The following LRRC71 variants were observed in gnomAD, a reference collection of about 807,000 sequenced individuals.
LRRC71 encodes leucine-rich repeat-containing protein 71.
LRRC71 carries 54 observed loss-of-function variants against 66.6 expected under a neutral mutation model. The observed-to-expected ratio is 0.81, with a 90% CI of 0.65 to 1.02. LRRC71 has a LOEUF of 1.02. Ranked by LOEUF, LRRC71 falls within the 50% of genes least tolerant of loss-of-function variation. The pLI, the probability that LRRC71 is intolerant of heterozygous loss-of-function variation, is 0.00. For synonymous variants in LRRC71, 323 were observed against 303.9 expected, an observed-to-expected ratio of 1.06 and a Z score of -0.65; for missense variants, 724 against 718.0, an observed-to-expected ratio of 1.01 and a Z score of -0.10.
chr1:156,922,023 G>GTGCCA (rs1292221298), intron 1 of LRRC71, among the ~76,000 whole-genome samples: 1 of 152,148 alleles, frequency 6.6e-6, no homozygotes, highest in Non-Finnish European at 1.5e-5. Context: ...GTGGGAGGAA[G>GTGCCA]TGCCATTCAT....
chr1:156,928,499 C>T (rs1011831753), intron 9 of LRRC71, among the ~76,000 whole-genome samples: 3 of 139,094 alleles, frequency 2.2e-5, no homozygotes, highest in African/African-American at 9.0e-5. Flanking sequence ...TCCTCTTCTT[C>T]CTCCTCCTCC....
intron 14 of LRRC71, 101 bp from the exon 15 acceptor site, chr1:156,932,752 C>T: frequency 6.8e-7 from 1 of 1,478,404 alleles, no homozygotes; most frequent in Non-Finnish European, 9.3e-7. Context: ...TGCATGTCCC[C>T]CAGCCCCTAA....
At position 156,927,717 on chromosome 1, in the gene LRRC71, C is replaced by G; in HGVS notation, c.823-16C>G. 6.2e-7 allele frequency: 1 copy of G among 1,607,264 alleles called. No individual in the cohort carries two copies. The highest frequency in any genetic ancestry group is 8.5e-7 in the Non-Finnish European group (1 of 1,179,468). On this transcript the variant is annotated splice_polypyrimidine_tract_variant and intron_variant, in intron 7 of 14. Transcript: ENST00000337428. ...GGGCGGCTTGGGCGGCTCACGCGTC[C>G]CTGCCCGCCTCTTAGGGCCTCCGGC...
intron 9 of LRRC71, among the ~76,000 whole-genome samples, chr1:156,928,363 C>CTCCTTCTTCTTCTTCT (rs1440279180): frequency 2.0e-5 from 2 of 98,784 alleles, no homozygotes; most frequent in Non-Finnish European, 3.6e-5. Context: ...CTTCTTCTTC[C>CTCCTTCTTCTTCTTCT]TCTTCTTCTT....
chr1:156,935,873 G>C, downstream of LRRC71: 1 of 1,133,986 alleles, frequency 8.8e-7, no homozygotes, highest in Non-Finnish European at 1.2e-6. Context: ...GCCTTGGCTG[G>C]ATCCTAGTTT....
chr1:156,938,440 C>T, the LRRC71 span: 1 of 1,613,802 alleles, frequency 6.2e-7, no homozygotes, highest in East Asian at 2.2e-5. Flanking sequence ...TTCCGCCTTC[C>T]ACTTCAGGTG....
downstream of LRRC71, among the ~76,000 whole-genome samples, chr1:156,936,500 AT>A (rs1557807563): frequency 3.1e-4 from 31 of 101,430 alleles, no homozygotes; most frequent in African/African-American, 5.6e-4. Flanking sequence ...AAAAAAAAAT[AT>A]ATATATATAT....
chr1:156,937,592 A>G, downstream of LRRC71: 1 of 1,336,248 alleles, frequency 7.5e-7, no homozygotes, highest in Non-Finnish European at 1.0e-6. Context: ...CTGACAGAGC[A>G]GGCCAGGCAG....
chr1:156,920,636 T>C lies in LRRC71; in HGVS notation c.-168T>C. ...CGGGCCCGCCCGCCTCGCGCGGTTG[T>C]CTTGGAGAGGGACGCGTAGGCTACG... On this transcript the variant is annotated 5_prime_UTR_variant, in exon 1 of 15. Coordinates refer to ENST00000337428, the MANE Select transcript of LRRC71 (RefSeq NM_144702.3). This position sits in a 1 kb window ranked among gnomAD's most constrained non-coding sequence, Gnocchi z 4.9. The C allele has an allele frequency of 3.5e-6, 3 of 854,466 alleles. No homozygotes were observed. In the South Asian group the frequency reaches 1.1e-4, roughly 31 times the overall value. 52.9% of individuals were successfully genotyped at this position (854,466 alleles called of 1,614,324 possible).
At chr1:156,921,139 G>C (rs187145128) in intron 1 of LRRC71, among the ~76,000 whole-genome samples, 176 bp downstream of exon 1, 3 of 152,198 alleles carry the variant, frequency 2.0e-5, no homozygotes, top group African/African-American at 7.2e-5. Flanking sequence ...CCACACTCTG[G>C]TTTGGGATGG....
chr1:156,929,804 G>A, intron 11 of LRRC71, 75 bp downstream of exon 11: 1 of 1,279,110 alleles, frequency 7.8e-7, no homozygotes, highest in South Asian at 1.4e-5. Flanking sequence ...GCAGGAAGCT[G>A]TTCTGGGCCT....
chr1:156,924,098 GGTGA>G lies in LRRC71; in HGVS notation c.310+5_310+8del. 1 of 1,547,862 alleles carries G rather than the reference GGTGA, an allele frequency of 6.5e-7. No individual in the cohort carries two copies. Among genetic ancestry groups the G allele is most frequent in the Non-Finnish European group, 8.7e-7 (1 of 1,145,696 alleles). ...CTCTTTGTCGGAAAAGGCCACCTTA[GGTGA>G]GTGACAGTGGAGCTCCCCGGTGCCT... On this transcript the variant is annotated splice_donor_variant and splice_donor_region_variant and intron_variant, in intron 2 of 14. Transcript: ENST00000337428. LOFTEE classifies it high-confidence loss of function.
At position 156,920,899 on chromosome 1, in the gene LRRC71, C is replaced by T. The variant is rs752560111; in HGVS notation, c.96C>T (p.Arg32=). The T allele has an allele frequency of 1.3e-6, 2 of 1,539,832 alleles. No individual in the cohort carries two copies. Among genetic ancestry groups the T allele is most frequent in the Non-Finnish European group, 1.8e-6 (2 of 1,142,426 alleles). Residue 32 remains arginine (R), a synonymous_variant, in exon 1 of 15, where the codon CGC becomes CGT. Coordinates refer to ENST00000337428, the MANE Select transcript of LRRC71 (RefSeq NM_144702.3). The surrounding 1 kb of genome is among the most constrained non-coding windows in gnomAD (Gnocchi z 4.9). ...GCGCGGTGACCAAAAAGGGAGAGCG[C>T]GCGGCCAAAGAGAAGCCAGCGACCG... ...SSGAVTKKGE[R]AAKEKPATVL...
At chr1:156,928,550 TTTC>T (rs1257752788) in intron 9 of LRRC71, among the ~76,000 whole-genome samples, 9 of 143,174 alleles carry the variant, frequency 6.3e-5, no homozygotes, top group African/African-American at 1.6e-4. Flanking sequence ...TCCTTTCTTC[TTTC>T]TTCTTCTTAC....
rs1055475867 is a variant in LRRC71, at chr1:156,924,552, G to T, written c.439G>T (p.Gly147Cys). 2 of 1,551,570 alleles carry T rather than the reference G, an allele frequency of 1.3e-6. No individual in the cohort carries two copies. The highest frequency in any genetic ancestry group is 2.0e-5 in the Admixed American group (1 of 51,004). ...SKSVKEIYIR[G>C]WKVEERILGV... Reference sequence around the variant, plus strand: ...GTCAGTGAAGGAAATCTACATCCGCGGTGAGCCCCGCTCCCCCCACCCGCC... The same window carrying T: ...GTCAGTGAAGGAAATCTACATCCGCTGTGAGCCCCGCTCCCCCCACCCGCC... Residue 147 changes from glycine (G) to cysteine (C), a missense_variant and splice_region_variant, in exon 3 of 15, where the codon GGT (glycine) becomes TGT (cysteine). By Grantham distance (159) the Gly-to-Cys change is radical (BLOSUM62 -3). Transcript: ENST00000337428.
rs545127144 is a variant in LRRC71, at chr1:156,932,750, C to T, written c.1564-103C>T. ...AATCACTCTGCTTTTTCTGCATGTC[C>T]CCCAGCCCCTAACCCACCCTGCCCC... On this transcript the variant is annotated intron_variant, in intron 14 of 14. Coordinates refer to ENST00000337428, the MANE Select transcript of LRRC71 (RefSeq NM_144702.3). The T allele has an allele frequency of 3.4e-6, 5 of 1,473,746 alleles. No individual in the cohort carries two copies. The South Asian group carries it at 6.1e-5, about 18-fold the overall frequency. The allele number at this position is 1,473,746 out of a possible 1,614,324, so 91.3% of individuals were successfully genotyped here.
chr1:156,932,170 G>C lies in LRRC71; in HGVS notation c.1441+143G>C, dbSNP rs918105715. ...TGTCCCCCAAGGCTCTCTGGCACAG[G>C]GCTGGAGGGGCCAGAGGAAGTGCTG... On this transcript the variant is annotated intron_variant, in intron 13 of 14. Transcript: ENST00000337428. The C allele has an allele frequency of 4.1e-6, 3 of 730,692 alleles. No individual in the cohort carries two copies. The African/African-American group carries it at 5.3e-5, about 13-fold the overall frequency. The allele number at this position is 730,692 out of a possible 1,614,324, so 45.3% of individuals were successfully genotyped here. A position where few individuals can be genotyped will look rare whatever the true frequency, so the allele number is the denominator to read the frequency against.
chr1:156,939,505 C>T, the LRRC71 span: 1 of 1,602,752 alleles, frequency 6.2e-7, no homozygotes, highest in Non-Finnish European at 8.5e-7. Flanking sequence ...TCTCACCTAG[C>T]AAGGGTGCTT....
rs952390617 is a variant in LRRC71, at chr1:156,930,633, G to A, written c.1329+16G>A. On this transcript the variant is annotated intron_variant, in intron 12 of 14. Coordinates refer to ENST00000337428, the MANE Select transcript of LRRC71 (RefSeq NM_144702.3). ...GGAGTCCGAGGTAAGTTGCCAGGAG[G>A]AGTGGAGGCAGGGGGCACACCCCTG... The A allele has an allele frequency of 6.4e-7, 1 of 1,553,340 alleles. No homozygotes were observed. The highest frequency in any genetic ancestry group is 1.4e-5 in the African/African-American group (1 of 73,134).
Sources: allele counts gnomAD v4.1 joint callset (sites outside exome capture counted in the v4.1 genomes callset), GRCh38; gene constraint gnomAD v4.1.1; non-coding constraint Gnocchi (gnomAD v3.1); transcripts MANE v1.5; gene names NCBI Gene and HGNC (gene_info 2026-07-23, HGNC 2026-07-21).